NADSYN1: variants seen among roughly 807,000 people sequenced by gnomAD.
The protein encoded by NADSYN1 is glutamine-dependent NAD(+) synthetase.
Under a neutral mutation model 99.3 loss-of-function variants are expected in NADSYN1, and 80 were observed. That is an observed-to-expected ratio of 0.81 (90% CI 0.67 to 0.97). NADSYN1 has a LOEUF of 0.97. NADSYN1 is among the 50% of genes least tolerant of loss of function. The probability of loss-of-function intolerance (pLI) is 0.00; values close to 1 mark genes in which losing one functional copy is unlikely to be tolerated. For missense variants in NADSYN1, 859 were observed against 948.5 expected (o/e 0.91, Z 1.24); for synonymous variants, 385 against 372.1 (o/e 1.03, Z -0.40).
chr11:71,457,622 G>A (rs1054310059), intron 2 of NADSYN1, among the ~76,000 whole-genome samples: 2 of 152,198 alleles, frequency 1.3e-5, no homozygotes, highest in South Asian at 2.1e-4. Context: ...TCAGGAAGCC[G>A]GAAGTCCAAA....
At chr11:71,468,129 A>G (rs1202978708) in intron 5 of NADSYN1, among the ~76,000 whole-genome samples, 2 of 152,240 alleles carry the variant, frequency 1.3e-5, no homozygotes, top group Non-Finnish European at 2.9e-5. Context: ...TCCTTTAAGA[A>G]CAAGGACAAA....
chr11:71,466,534 G>A (rs541759632), intron 5 of NADSYN1, among the ~76,000 whole-genome samples: 1 of 152,212 alleles, frequency 6.6e-6, no homozygotes, highest in Non-Finnish European at 1.5e-5. Flanking sequence ...TCCGTGGGTG[G>A]ATGGCTTTGC....
chr11:71,472,306 A>G, intron 5 of NADSYN1, 143 bp from the exon 6 acceptor site: 1 of 715,250 alleles, frequency 1.4e-6, no homozygotes, highest in Non-Finnish European at 2.6e-6. Flanking sequence ...GCGATTGTTT[A>G]TTGCATTGGG....
Position 71,463,504 on chromosome 11 carries a change from C to A in NADSYN1, c.317+19C>A, listed in dbSNP as rs1949564732. The stretch of plus-strand genomic sequence containing the variant: ...TCAACAGGTAGGCCCCCTGCCCCCA[C>A]CCCGGGAGGGTGACTGGGGCCTCTC... On this transcript the variant is annotated intron_variant, in intron 4 of 20. Coordinates refer to ENST00000319023, the MANE Select transcript of NADSYN1 (RefSeq NM_018161.5). 1.2e-6 allele frequency: 2 copies of A among 1,611,292 alleles called. No individual in the cohort carries two copies. Among genetic ancestry groups the A allele is most frequent in the Non-Finnish European group, 8.5e-7 (1 of 1,177,840 alleles).
intron 17 of NADSYN1, among the ~76,000 whole-genome samples, chr11:71,491,471 G>A (rs1390514920): frequency 2.0e-5 from 3 of 152,254 alleles, no homozygotes; most frequent in Non-Finnish European, 4.4e-5. Flanking sequence ...TGTGCTGGGT[G>A]TTAGCAGGTA....
chr11:71,468,494 A>G (rs1012956621), intron 5 of NADSYN1, among the ~76,000 whole-genome samples: 8 of 152,230 alleles, frequency 5.3e-5, no homozygotes, highest in African/African-American at 7.2e-5. Flanking sequence ...CTAAAAGAAA[A>G]GATATAGAAC....
At chr11:71,492,800 G>A (rs759785848) in intron 18 of NADSYN1, among the ~76,000 whole-genome samples, 6 of 152,060 alleles carry the variant, frequency 3.9e-5, no homozygotes, top group Non-Finnish European at 5.9e-5. Context: ...TTTGGAGTTC[G>A]GGGAGTTTCG....
At position 71,484,421 on chromosome 11, in the gene NADSYN1, G is replaced by T; in HGVS notation, c.1429G>T (p.Glu477Ter). 1 of 1,614,076 alleles carries T rather than the reference G, an allele frequency of 6.2e-7. No homozygotes were observed. The highest frequency in any genetic ancestry group is 1.1e-5 in the South Asian group (1 of 91,082). ...LFAAHGGSSR[E>*]NLALQNVQAR... Reference sequence around the variant, plus strand: ...TGCAGCTCATGGAGGAAGCAGCAGGGAAAACCTGGCGCTGCAAAATGTGCA... The same window carrying T: ...TGCAGCTCATGGAGGAAGCAGCAGGTAAAACCTGGCGCTGCAAAATGTGCA... The change falls in exon 15 of 21, where the codon GAA becomes TAA. Residue 477 changes from glutamate to a stop codon, truncating the protein, a stop_gained. Transcript: ENST00000319023. LOFTEE classifies it high-confidence loss of function.
At position 71,484,298 on chromosome 11, in the gene NADSYN1, CCTT is replaced by C. The variant is rs1565604287; in HGVS notation, c.1320-11_1320-9del. 2 of 1,611,562 alleles carry C rather than the reference CCTT, an allele frequency of 1.2e-6. No individual in the cohort carries two copies. Among genetic ancestry groups the C allele is most frequent in the Admixed American group, 1.7e-5 (1 of 59,972 alleles). On this transcript the variant is annotated splice_polypyrimidine_tract_variant and intron_variant, in intron 14 of 20. Transcript: ENST00000319023. The stretch of plus-strand genomic sequence containing the variant: ...TGCACATGCTGCCTTCAACGCCTAT[CCTT>C]CTCCTTCCAGCCACCACATCAGTCT...
At chr11:71,498,700 C>A in intron 20 of NADSYN1, 172 bp downstream of exon 20, 1 of 657,098 alleles carries the variant, frequency 1.5e-6, no homozygotes. Context: ...TTACTTTTTT[C>A]GTGTTGACAA....
intron 6 of NADSYN1, among the ~76,000 whole-genome samples, chr11:71,472,980 C>T (rs920993441): frequency 5.3e-5 from 8 of 152,350 alleles, no homozygotes; most frequent in African/African-American, 1.7e-4. Context: ...AGGACAGGGT[C>T]GCTTCAGAAG....
At chr11:71,479,482 A>T (rs377714002) in intron 10 of NADSYN1, 3 of 151,918 alleles carry the variant, frequency 2.0e-5, no homozygotes, top group African/African-American at 7.3e-5. Context: ...TTTTTCATGT[A>T]CTCATGGAGT....
Position 71,501,390 on chromosome 11 carries a change from C to T in NADSYN1, c.*38C>T, listed in dbSNP as rs1484781241. 1.3e-6 allele frequency: 2 copies of T among 1,565,722 alleles called. No individual in the cohort carries two copies. Among genetic ancestry groups the T allele is most frequent in the East Asian group, 2.3e-5 (1 of 42,638 alleles). ...CCTGGAGGCCTCCTGTCCTCGGGGA[C>T]CCCAGCACCTCATCATCAGCATTGC... On this transcript the variant is annotated 3_prime_UTR_variant, in exon 21 of 21. Coordinates refer to ENST00000319023, the MANE Select transcript of NADSYN1 (RefSeq NM_018161.5).
At chr11:71,490,230 G>C (rs1022127637) in intron 16 of NADSYN1, among the ~76,000 whole-genome samples, 1 of 152,144 alleles carries the variant, frequency 6.6e-6, no homozygotes, top group African/African-American at 2.4e-5. Flanking sequence ...TCGCGTCTCT[G>C]CCTTTCCCCT....
chr11:71,490,803 C>T lies in NADSYN1; in HGVS notation c.1563-42C>T, dbSNP rs375287755. 63 of 1,608,372 alleles carry T rather than the reference C, an allele frequency of 3.9e-5. 1 individual carries two copies. The highest frequency in any genetic ancestry group is 1.1e-4 in the East Asian group (5 of 44,804). On this transcript the variant is annotated intron_variant, in intron 16 of 20. Transcript: ENST00000319023. ...GGCTGGCCAGGGTTGATGGAGTCTG[C>T]GGCCCCTTGGGAACCCGCGCTCTTT...
At position 71,458,451 on chromosome 11, in the gene NADSYN1, A is replaced by T. The variant is rs1435862019; in HGVS notation, c.170A>T (p.Tyr57Phe). The change falls in exon 3 of 21, where the codon TAT (tyrosine) becomes TTT (phenylalanine). Residue 57 changes from tyrosine (Y) to phenylalanine (F), a missense_variant. Coordinates refer to ENST00000319023, the MANE Select transcript of NADSYN1 (RefSeq NM_018161.5). ...AGCGGCTACGGATGTTGGGATCATT[A>T]TTACGAGTCGGACACCCTCTTGCAC... ...EICGYGCWDH[Y>F]YESDTLLHSF... 1.9e-6 allele frequency: 3 copies of T among 1,613,936 alleles called. No individual in the cohort carries two copies. The highest frequency in any genetic ancestry group is 3.3e-5 in the Admixed American group (2 of 60,006).
At chr11:71,477,021 C>T (rs1949672040) in intron 9 of NADSYN1, 1 of 1,065,828 alleles carries the variant, frequency 9.4e-7, no homozygotes, top group African/African-American at 1.7e-5. Flanking sequence ...GGCCACTGCC[C>T]TCCACCAGGT....
intron 3 of NADSYN1, 58 bp from the exon 4 acceptor site, chr11:71,463,374 A>G (rs1288844802): frequency 6.8e-7 from 1 of 1,478,936 alleles, no homozygotes; most frequent in East Asian, 2.3e-5. Flanking sequence ...CGCTGCCTCC[A>G]TGTGCTCTGT....
intron 19 of NADSYN1, 119 bp from the exon 20 acceptor site, chr11:71,498,233 A>G: frequency 1.8e-6 from 2 of 1,137,708 alleles, no homozygotes; most frequent in Non-Finnish European, 2.5e-6. Context: ...GCCATCGTGG[A>G]AGGTCCTGTG....
Sources: gnomAD v4.1 joint callset for allele counts (sites outside exome capture counted in the v4.1 genomes callset) on GRCh38, gnomAD v4.1.1 for gene constraint, MANE v1.5 for transcripts, NCBI Gene and HGNC (gene_info 2026-07-23, HGNC 2026-07-21) for gene names.